SPAG16: variants seen among roughly 807,000 people sequenced by gnomAD.
The protein encoded by SPAG16 is sperm-associated antigen 16 protein.
SPAG16 carries 86 observed loss-of-function variants against 80.4 expected under a neutral mutation model. The observed-to-expected ratio is 1.07, with a 90% confidence interval of 0.90 to 1.28. The LOEUF (loss-of-function observed/expected upper bound fraction) is 1.28, where lower values mean the gene tolerates loss of function less well. Among genes scored for constraint, SPAG16 ranks in the 50% most tolerant of loss-of-function variants. The pLI is 0.00. For missense variants in SPAG16, 870 were observed against 765.3 expected (o/e 1.14, Z -1.61); for synonymous variants, 294 against 265.9 (o/e 1.11, Z -1.03).
chr2:214,105,076 C>T lies in SPAG16; in HGVS notation c.1528-3120C>T, dbSNP rs545916199. On this transcript the variant is annotated intron_variant, in intron 13 of 15. Coordinates refer to ENST00000331683, the MANE Select transcript of SPAG16 (RefSeq NM_024532.5). ...TTTGTGCTTATCCATATCCTACAGG[C>T]GCTTCCCTCTGGCTGAATCCAACCA... Among the ~76,000 whole-genome samples the T allele has an allele frequency of 2.5e-4, 38 of 152,170 alleles. No homozygotes were observed. In the South Asian group the frequency reaches 4.6e-3, roughly 18 times the overall value.
At chr2:213,876,224 T>G (rs976152159) in intron 11 of SPAG16, among the ~76,000 whole-genome samples, 10 of 151,724 alleles carry the variant, frequency 6.6e-5, no homozygotes, top group Admixed American at 5.3e-4. Context: ...TACATAACTT[T>G]TAGTTATTTG....
intron 12 of SPAG16, among the ~76,000 whole-genome samples, chr2:213,934,164 T>G (rs529609143): frequency 6.6e-6 from 1 of 152,332 alleles, no homozygotes; most frequent in East Asian, 1.9e-4. Flanking sequence ...AGGAACTTTC[T>G]TCAGTACCAC....
chr2:214,067,099 G>A (rs1367089247), intron 13 of SPAG16, among the ~76,000 whole-genome samples: 1 of 152,100 alleles, frequency 6.6e-6, no homozygotes, highest in Non-Finnish European at 1.5e-5. Flanking sequence ...AGGTGGTGCT[G>A]TTTGGTTCCA....
chr2:213,715,585 C>T (rs727503), intron 10 of SPAG16, among the ~76,000 whole-genome samples: 91,112 of 151,920 alleles, frequency 0.6, 27,573 homozygotes, highest in Middle Eastern at 0.63. Flanking sequence ...TCATGGTATA[C>T]ATTGAGTGAA....
chr2:213,637,314 T>G (rs1033379228), intron 10 of SPAG16, among the ~76,000 whole-genome samples: 1 of 152,216 alleles, frequency 6.6e-6, no homozygotes, highest in African/African-American at 2.4e-5. Context: ...CACTTGATCT[T>G]TTTGATATGC....
At chr2:213,656,128 T>G (rs1248277921) in intron 10 of SPAG16, among the ~76,000 whole-genome samples, 1 of 152,256 alleles carries the variant, frequency 6.6e-6, no homozygotes, top group Admixed American at 6.5e-5. Context: ...AGTGAGTATC[T>G]TTAGGAAAAT....
chr2:213,734,312 A>G (rs1437074125), intron 10 of SPAG16, among the ~76,000 whole-genome samples: 1 of 152,180 alleles, frequency 6.6e-6, no homozygotes, highest in Non-Finnish European at 1.5e-5. Context: ...GTTCTTAGCT[A>G]TTGGGTGTCA....
At chr2:213,852,722 A>G (rs138860068) in intron 10 of SPAG16, among the ~76,000 whole-genome samples, 2 of 152,276 alleles carry the variant, frequency 1.3e-5, no homozygotes, top group East Asian at 1.9e-4. Context: ...CCAAATTATT[A>G]TATCACTTTA....
intron 10 of SPAG16, among the ~76,000 whole-genome samples, chr2:213,492,249 G>C (rs1165891224): frequency 1.3e-5 from 2 of 152,100 alleles, no homozygotes; most frequent in African/African-American, 4.8e-5. Flanking sequence ...TTCATAATCT[G>C]TGTTCTTAAT....
At chr2:213,879,734 A>G (rs1008263049) in intron 11 of SPAG16, among the ~76,000 whole-genome samples, 4 of 151,968 alleles carry the variant, frequency 2.6e-5, no homozygotes, top group African/African-American at 9.7e-5. Flanking sequence ...AATGTGTGGT[A>G]TTTGGTTTTC....
chr2:213,313,262 G>A (rs1173368381), intron 4 of SPAG16, among the ~76,000 whole-genome samples: 1 of 151,756 alleles, frequency 6.6e-6, no homozygotes, highest in Non-Finnish European at 1.5e-5. Flanking sequence ...ATTTAGGTGA[G>A]TATTTAATTT....
intron 14 of SPAG16, among the ~76,000 whole-genome samples, chr2:214,112,973 C>G (rs887424135): frequency 4.6e-5 from 7 of 152,118 alleles, no homozygotes; most frequent in Admixed American, 4.6e-4. Flanking sequence ...TTGTTCCTTT[C>G]TATGTTTAGT....
At chr2:213,403,603 C>A (rs2068448624) in intron 9 of SPAG16, among the ~76,000 whole-genome samples, 2 of 152,142 alleles carry the variant, frequency 1.3e-5, no homozygotes, top group South Asian at 4.1e-4. Flanking sequence ...CAATATCATA[C>A]TGAATGGGCA....
At chr2:214,302,850 G>A (rs1287349866) in intron 15 of SPAG16, among the ~76,000 whole-genome samples, 1 of 152,102 alleles carries the variant, frequency 6.6e-6, no homozygotes, top group Non-Finnish European at 1.5e-5. Context: ...TTTTCTTGTT[G>A]CATTGAATCC....
chr2:213,296,180 T>C (rs779258608), intron 2 of SPAG16, 70 bp downstream of exon 2: 4 of 1,161,880 alleles, frequency 3.4e-6, no homozygotes, highest in African/African-American at 1.5e-5. Context: ...GCTCATTTTA[T>C]TTTCTGAAAC....
intron 10 of SPAG16, among the ~76,000 whole-genome samples, chr2:213,601,450 A>T (rs2061058570): frequency 6.6e-6 from 1 of 152,196 alleles, no homozygotes; most frequent in Non-Finnish European, 1.5e-5. Flanking sequence ...ATAAATTTAG[A>T]GGCTAAATAC....
In SPAG16 at chr2:214,118,425, A is replaced by G. The variant is rs1006767628; in HGVS notation, c.1593+10164A>G. 9.2e-5 allele frequency among the ~76,000 whole-genome samples: 14 copies of G among 152,308 alleles called. No homozygotes were observed. The South Asian group carries it at 1.5e-3, about 16-fold the overall frequency. On this transcript the variant is annotated intron_variant, in intron 14 of 15. Coordinates refer to ENST00000331683, the MANE Select transcript of SPAG16 (RefSeq NM_024532.5). Reference sequence around the variant, plus strand: ...TGGATCAGTCTCTTCTCACACTGCTATAAAGGACTGCCTGAGACTGAATAA... The same window carrying G: ...TGGATCAGTCTCTTCTCACACTGCTGTAAAGGACTGCCTGAGACTGAATAA...
At chr2:213,678,211 A>G (rs1297164424) in intron 10 of SPAG16, among the ~76,000 whole-genome samples, 2 of 152,210 alleles carry the variant, frequency 1.3e-5, no homozygotes, top group Non-Finnish European at 2.9e-5. Context: ...TAAAAGAACT[A>G]GAAAAGCAAG....
intron 15 of SPAG16, among the ~76,000 whole-genome samples, chr2:214,165,682 A>C (rs1166094228): frequency 6.6e-6 from 1 of 150,946 alleles, no homozygotes; most frequent in Non-Finnish European, 1.5e-5. Context: ...ACTTATAAGA[A>C]AGACTTGACC....
Sources: gnomAD v4.1 joint callset for allele counts (sites outside exome capture counted in the v4.1 genomes callset) on GRCh38, gnomAD v4.1.1 for gene constraint, MANE v1.5 for transcripts, NCBI Gene and HGNC (gene_info 2026-07-23, HGNC 2026-07-21) for gene names.